The following ATP8A2 variants were observed in gnomAD, a reference collection of about 807,000 sequenced individuals.
ATP8A2 encodes phospholipid-transporting ATPase IB.
ATP8A2 carries 100 observed loss-of-function variants against 165.6 expected under a neutral mutation model. The observed-to-expected ratio is 0.60, with a 90% CI of 0.51 to 0.71. The LOEUF is 0.71. ATP8A2 is among the 30% of genes least tolerant of loss of function. The pLI, the probability that ATP8A2 is intolerant of heterozygous loss-of-function variation, is 0.00. For missense variants in ATP8A2, 1,227 were observed against 1,479.5 expected, an observed-to-expected ratio of 0.83 and a Z score of 2.80; for synonymous variants, 543 against 548.8, an observed-to-expected ratio of 0.99 and a Z score of 0.15.
intron 2 of ATP8A2, among the ~76,000 whole-genome samples, chr13:25,508,636 T>C (rs2037125262): frequency 6.6e-6 from 1 of 152,226 alleles, no homozygotes; most frequent in Non-Finnish European, 1.5e-5. Flanking sequence ...GAGACATCTA[T>C]GTAAGATTGT....
chr13:25,496,519 T>C (rs1393701770), intron 2 of ATP8A2, among the ~76,000 whole-genome samples: 3 of 152,096 alleles, frequency 2.0e-5, no homozygotes, highest in African/African-American at 7.2e-5. Context: ...ATTTCCTCAC[T>C]GGCAAAAAGG....
chr13:25,647,248 A>C (rs970598047), intron 24 of ATP8A2, among the ~76,000 whole-genome samples: 2 of 152,224 alleles, frequency 1.3e-5, no homozygotes, highest in Non-Finnish European at 2.9e-5. Flanking sequence ...GTTTCAGCTT[A>C]AAAAATTCCC....
At chr13:25,549,177 C>T (rs766850989) in intron 10 of ATP8A2, among the ~76,000 whole-genome samples, 21 of 152,000 alleles carry the variant, frequency 1.4e-4, no homozygotes, top group Admixed American at 2.6e-4. Flanking sequence ...AGTCCGGGCC[C>T]GGCCGGGCGC....
chr13:25,629,431 TAATCA>T (rs2041183965), intron 24 of ATP8A2, among the ~76,000 whole-genome samples: 1 of 152,230 alleles, frequency 6.6e-6, no homozygotes, highest in Non-Finnish European at 1.5e-5. Context: ...ATTTTCCTTT[TAATCA>T]GCCGTTTAAT....
chr13:25,885,852 C>T (rs1199400444), intron 33 of ATP8A2, among the ~76,000 whole-genome samples: 1 of 152,226 alleles, frequency 6.6e-6, no homozygotes, highest in African/African-American at 2.4e-5. Context: ...ACACGATTCT[C>T]TCTTGCCCTG....
intron 33 of ATP8A2, chr13:25,944,916 C>A (rs1189274767): frequency 6.6e-6 from 1 of 152,120 alleles, no homozygotes; most frequent in East Asian, 1.9e-4. Context: ...AGCTTTATTT[C>A]CTTTATCTGT....
chr13:25,987,158 G>A (rs558430017), intron 35 of ATP8A2, among the ~76,000 whole-genome samples: 12 of 152,144 alleles, frequency 7.9e-5, no homozygotes, highest in African/African-American at 2.4e-4. Context: ...CCACTCCTGC[G>A]CCCTGTATGT....
chr13:25,699,391 T>C (rs377578837), intron 25 of ATP8A2, 46 bp downstream of exon 25: 17 of 1,424,364 alleles, frequency 1.2e-5, no homozygotes, highest in Admixed American at 9.6e-5. Context: ...GCTGTGTCTG[T>C]ATCCCGTGCT....
chr13:25,392,264 A>T (rs749201827), intron 1 of ATP8A2, among the ~76,000 whole-genome samples: 1 of 152,222 alleles, frequency 6.6e-6, no homozygotes, highest in Non-Finnish European at 1.5e-5. Flanking sequence ...GAAACTTTAA[A>T]TTATTTTGAG....
chr13:25,887,074 G>A (rs374213228), intron 33 of ATP8A2, among the ~76,000 whole-genome samples: 4 of 152,252 alleles, frequency 2.6e-5, no homozygotes, highest in South Asian at 4.2e-4. Context: ...CTAATTTATG[G>A]TGTTGGAGGT....
chr13:25,503,133 G>A (rs918249557), intron 2 of ATP8A2, among the ~76,000 whole-genome samples: 3 of 152,146 alleles, frequency 2.0e-5, no homozygotes, highest in African/African-American at 7.2e-5. Flanking sequence ...AGAGACACGA[G>A]CTGCCACCTG....
In ATP8A2 at chr13:25,828,121, T is replaced by G; in HGVS notation, c.2683T>G (p.Trp895Gly). Residue 895 changes from tryptophan to glycine, a missense_variant, in exon 28 of 37, where the codon TGG becomes GGG. Transcript: ENST00000381655. ...KNVVLYIIEL[W>G]FAFVNGFSGQ... ...CATGAGCTTTCTTCTCTTTCAGCTT[T>G]GGTTCGCCTTTGTTAATGGATTTTC... 6.2e-7 allele frequency: 1 copy of G among 1,613,762 alleles called. No individual in the cohort carries two copies. Among genetic ancestry groups the G allele is most frequent in the Non-Finnish European group, 8.5e-7 (1 of 1,179,634 alleles).
At chr13:25,441,046 A>T (rs534599540) in intron 1 of ATP8A2, among the ~76,000 whole-genome samples, 6 of 152,208 alleles carry the variant, frequency 3.9e-5, no homozygotes, top group Non-Finnish European at 8.8e-5. Flanking sequence ...AGTCATCAAA[A>T]GGAAAACTAT....
chr13:25,705,592 G>A (rs1296406857), intron 25 of ATP8A2, among the ~76,000 whole-genome samples: 1 of 152,198 alleles, frequency 6.6e-6, no homozygotes. Flanking sequence ...TTTGAAAACA[G>A]GAGAGAGAAA....
In ATP8A2 at chr13:26,014,872, C is replaced by T. The variant is rs1050811427; in HGVS notation, c.3469+2250C>T. Among the ~76,000 whole-genome samples the T allele has an allele frequency of 3.9e-5, 6 of 152,170 alleles. No individual in the cohort carries two copies. In the East Asian group the frequency reaches 1.2e-3, roughly 29 times the overall value. ...TTAATGATATACATCTTACACAGTC[C>T]TGTGAGTCTTCATGACAGCATGTGT... On this transcript the variant is annotated intron_variant, in intron 36 of 36. Coordinates refer to ENST00000381655, the MANE Select transcript of ATP8A2 (RefSeq NM_016529.6).
chr13:25,540,232 ACAC>A, intron 7 of ATP8A2, 84 bp from the exon 8 acceptor site: 1 of 970,362 alleles, frequency 1.0e-6, no homozygotes, highest in Non-Finnish European at 1.7e-6. Flanking sequence ...CAATCAGCAG[ACAC>A]AGATTCCATA....
intron 35 of ATP8A2, among the ~76,000 whole-genome samples, chr13:25,972,984 G>C (rs182998758): frequency 1.3e-5 from 2 of 152,306 alleles, no homozygotes; most frequent in East Asian, 1.9e-4. Flanking sequence ...GTTATGCATA[G>C]CCTGAATAAA....
At chr13:25,829,668 GTATATATA>G (rs71080203) in intron 28 of ATP8A2, among the ~76,000 whole-genome samples, 891 of 62,990 alleles carry the variant, frequency 0.014, 10 homozygotes, top group Middle Eastern at 0.017. Context: ...GACAGGTGTG[GTATATATA>G]TATATATATA....
intron 25 of ATP8A2, among the ~76,000 whole-genome samples, chr13:25,718,564 G>A (rs539709632): frequency 6.6e-6 from 1 of 152,232 alleles, no homozygotes; most frequent in East Asian, 1.9e-4. Flanking sequence ...CAGGGAGAGG[G>A]TTGTTTGTTT....
Sources: allele counts gnomAD v4.1 joint callset (sites outside exome capture counted in the v4.1 genomes callset), GRCh38; gene constraint gnomAD v4.1.1; transcripts MANE v1.5; gene names NCBI Gene and HGNC (gene_info 2026-07-23, HGNC 2026-07-21).